The following IGFBP3 variants were observed in gnomAD, a reference collection of about 807,000 sequenced individuals.
The protein encoded by IGFBP3 is insulin-like growth factor-binding protein 3.
In IGFBP3, 9 loss-of-function variants were observed where a neutral mutation model predicts 28.6. The ratio of observed to expected loss-of-function variants is 0.31; its 90% confidence interval spans 0.19 to 0.55. The LOEUF (loss-of-function observed/expected upper bound fraction) is 0.55. Among genes scored for constraint, IGFBP3 ranks in the 20% least tolerant of loss-of-function variants. IGFBP3 has a pLI of 0.93. For missense variants in IGFBP3, 382 were observed against 428.9 expected (o/e 0.89, Z 0.97); for synonymous variants, 185 against 188.2 (o/e 0.98, Z 0.14).
chr7:45,915,347 A>G lies in IGFBP3; in HGVS notation c.751-402T>C, dbSNP rs1244267843. On this transcript the variant is annotated intron_variant, in intron 3 of 4. Coordinates refer to ENST00000613132, the MANE Select transcript of IGFBP3 (RefSeq NM_000598.5). ...CACCTTCTCAGTATGACTTTGTTGA[A>G]TGAATATGACTTTGACAGAAAACGT... The G allele has an allele frequency of 2.7e-5, 5 of 186,680 alleles. No homozygotes were observed. The Admixed American group carries it at 3.0e-4, about 11-fold the overall frequency. 11.6% of individuals were successfully genotyped at this position (186,680 alleles called of 1,614,324 possible).
intron 4 of IGFBP3, 143 bp downstream of exon 4, chr7:45,914,662 A>G (rs1426554045): frequency 2.8e-6 from 2 of 717,106 alleles, no homozygotes; most frequent in South Asian, 1.8e-5. Context: ...GCTCTGTCCT[A>G]TTTGCTTTGC....
chr7:45,918,623 G>A (rs978539456), intron 1 of IGFBP3, among the ~76,000 whole-genome samples: 1 of 152,184 alleles, frequency 6.6e-6, no homozygotes, highest in African/African-American at 2.4e-5. Flanking sequence ...AACAAACAGG[G>A]CTATAATGTG....
intron 4 of IGFBP3, chr7:45,914,192 A>G (rs1198967446): frequency 6.6e-6 from 1 of 152,218 alleles, no homozygotes; most frequent in Non-Finnish European, 1.5e-5. Flanking sequence ...ATTAAAAGAA[A>G]AAAGAAGACT....
chr7:45,920,809 C>T lies in IGFBP3; in HGVS notation c.332G>A (p.Arg111His). 1.4e-6 allele frequency: 2 copies of T among 1,408,588 alleles called. No individual in the cohort carries two copies. Among genetic ancestry groups the T allele is most frequent in the South Asian group, 1.5e-5 (1 of 66,356 alleles). The allele number at this position is 1,408,588 out of a possible 1,614,324, so 87.3% of individuals were successfully genotyped here. A position where few individuals can be genotyped will look rare whatever the true frequency, so the allele number is the denominator to read the frequency against. ...GGCACTAGCGTTGACGCAGAGCCCG[C>T]GGCCGTCCAGCAGCGCCTGCAGCGG... Reference protein sequence around the residue: ...ARPLQALLDGRGLCVNASAVS... With the variant: ...ARPLQALLDGHGLCVNASAVS... The change falls in exon 1 of 5, where the codon CGC becomes CAC. Residue 111 changes from arginine to histidine, a missense_variant. Coordinates refer to ENST00000613132, the MANE Select transcript of IGFBP3 (RefSeq NM_000598.5).
At position 45,916,595 on chromosome 7, in the gene IGFBP3, C is replaced by T. The variant is rs1422325132; in HGVS notation, c.703G>A (p.Val235Ile). ...KFLNVLSPRG[V>I]HIPNCDKKGF... The stretch of plus-strand genomic sequence containing the variant: ...TTCTTGTCACAGTTGGGAATGTGTA[C>T]ACCCCTGGGACTCAGCACATTGAGG... The change falls in exon 3 of 5, where the codon GTA (valine) becomes ATA (isoleucine). Residue 235 changes from valine (V) to isoleucine (I), a missense_variant. Val to Ile is a conservative substitution (Grantham distance 29). Coordinates refer to ENST00000613132, the MANE Select transcript of IGFBP3 (RefSeq NM_000598.5). The T allele has an allele frequency of 6.2e-7, 1 of 1,613,032 alleles. No individual in the cohort carries two copies. Among genetic ancestry groups the T allele is most frequent in the Non-Finnish European group, 8.5e-7 (1 of 1,179,078 alleles).
intron 1 of IGFBP3, among the ~76,000 whole-genome samples, chr7:45,917,939 C>T (rs766086738): frequency 3.3e-5 from 5 of 152,204 alleles, no homozygotes; most frequent in Non-Finnish European, 7.3e-5. Context: ...TTGTAACAAG[C>T]CCTTATGGGA....
Position 45,914,924 on chromosome 7 carries a change from T to C in IGFBP3, c.772A>G (p.Lys258Glu). 1 of 1,614,152 alleles carries C rather than the reference T, an allele frequency of 6.2e-7. No homozygotes were observed. Among genetic ancestry groups the C allele is most frequent in the Non-Finnish European group, 8.5e-7 (1 of 1,180,024 alleles). Residue 258 changes from lysine to glutamate, a missense_variant, in exon 4 of 5, where the codon AAG (lysine) becomes GAG (glutamate). Lys to Glu is a moderately conservative substitution (Grantham distance 56). Transcript: ENST00000613132. ...KKQCRPSKGR[K>E]RGFCWCVDKY... is the part of the protein sequence containing the mutation. ...TCCACACACCAGCAGAAGCCCCGCT[T>C]CCTGCCTTTGGAAGGGCGACACTGT...
chr7:45,916,756 C>A (rs1323171136), intron 2 of IGFBP3, 89 bp from the exon 3 acceptor site: 2 of 1,427,688 alleles, frequency 1.4e-6, no homozygotes, highest in African/African-American at 2.8e-5. Context: ...GCACAACTAC[C>A]AAAAGTGGGA....
intron 1 of IGFBP3, among the ~76,000 whole-genome samples, chr7:45,918,906 C>G (rs1240573980): frequency 6.6e-6 from 1 of 152,224 alleles, no homozygotes; most frequent in Non-Finnish European, 1.5e-5. Context: ...CAGAGCCTCA[C>G]AGAGGAGGTC....
chr7:45,915,004 G>A, intron 3 of IGFBP3, 59 bp from the exon 4 acceptor site: 2 of 1,598,714 alleles, frequency 1.3e-6, no homozygotes, highest in Non-Finnish European at 1.7e-6. Flanking sequence ...TGTCAGGTCG[G>A]TGGCCAGGGC....
At chr7:45,915,257 G>C in intron 3 of IGFBP3, 1 of 299,664 alleles carries the variant, frequency 3.3e-6, no homozygotes, top group Middle Eastern at 1.1e-3. Context: ...GTGGGACTGA[G>C]AACATCCCCG....
intron 1 of IGFBP3, chr7:45,919,925 C>CCG (rs1554290212): frequency 1.3e-5 from 2 of 151,104 alleles, no homozygotes; most frequent in Non-Finnish European, 2.9e-5. Flanking sequence ...CATTCCCCCC[C>CCG]CCATTTCAGA....
At chr7:45,914,558 A>G (rs1007540744) in intron 4 of IGFBP3, 3 of 356,164 alleles carry the variant, frequency 8.4e-6, no homozygotes, top group African/African-American at 4.2e-5. Flanking sequence ...TCTGAGATAA[A>G]GCAGAGTGTC....
At position 45,916,552 on chromosome 7, in the gene IGFBP3, T is replaced by C; in HGVS notation, c.746A>G (p.Lys249Arg). The C allele has an allele frequency of 6.2e-7, 1 of 1,610,610 alleles. No individual in the cohort carries two copies. Among genetic ancestry groups the C allele is most frequent in the East Asian group, 2.2e-5 (1 of 44,742 alleles). The change falls in exon 3 of 5, where the codon AAG becomes AGG. Residue 249 changes from lysine (K) to arginine (R), a missense_variant. Physicochemically the swap from Lys to Arg is conservative, Grantham distance 26. Transcript: ENST00000613132. ...CACACTGAGGACCTCACTCACCTGC[T>C]TTTTCTTATAAAATCCCTTCTTGTC... ...NCDKKGFYKK[K>R]QCRPSKGRKR...
Position 45,920,988 on chromosome 7 carries a change from G to T in IGFBP3, c.153C>A (p.Cys51Ter). The change falls in exon 1 of 5, where the codon TGC becomes TGA. Residue 51 changes from cysteine (C) to a stop codon, truncating the protein, a stop_gained. Transcript: ENST00000613132. LOFTEE classifies it high-confidence loss of function. ...EPCDARALAQ[C>*]APPPAVCAEL... ...CCGCGCACACGGCGGGCGGAGGCGCGCACTGGGCCAGTGCACGCGCGTCGC... is the reference window on the plus strand; with the variant it reads ...CCGCGCACACGGCGGGCGGAGGCGCTCACTGGGCCAGTGCACGCGCGTCGC... 7.4e-7 allele frequency: 1 copy of T among 1,348,158 alleles called. No individual in the cohort carries two copies. Among genetic ancestry groups the T allele is most frequent in the South Asian group, 1.9e-5 (1 of 53,608 alleles). The allele number at this position is 1,348,158 out of a possible 1,614,324, so 83.5% of individuals were successfully genotyped here.
intron 1 of IGFBP3, chr7:45,920,499 A>C: frequency 2.5e-6 from 1 of 394,222 alleles, no homozygotes; most frequent in Non-Finnish European, 4.5e-6. Flanking sequence ...TTTTCACTGA[A>C]AGCGCTTTGC....
Position 45,920,834 on chromosome 7 carries a change from G to A in IGFBP3, c.307C>T (p.Pro103Ser). The change falls in exon 1 of 5, where the codon CCG becomes TCG. Residue 103 changes from proline to serine, a missense_variant. Transcript: ENST00000613132. ...RCQPSPDEAR[P>S]LQALLDGRGL... ...CGGCCGTCCAGCAGCGCCTGCAGCG[G>A]TCGCGCCTCGTCGGGCGACGGCTGG... The A allele has an allele frequency of 7.1e-7, 1 of 1,409,108 alleles. No individual in the cohort carries two copies. The highest frequency in any genetic ancestry group is 9.2e-7 in the Non-Finnish European group (1 of 1,090,276). The allele number at this position is 1,409,108 out of a possible 1,614,324, so 87.3% of individuals were successfully genotyped here. A position where few individuals can be genotyped will look rare whatever the true frequency, so the allele number is the denominator to read the frequency against.
intron 1 of IGFBP3, among the ~76,000 whole-genome samples, chr7:45,917,859 C>T (rs1784635231): frequency 6.6e-6 from 1 of 152,176 alleles, no homozygotes; most frequent in Admixed American, 6.5e-5. Flanking sequence ...GGAGCAGCGG[C>T]AGCCCGGGGA....
rs1266505820 is a variant in IGFBP3 at position 45,912,371 on chromosome 7, TTTA to T, written c.*1476_*1478del. On this transcript the variant is annotated 3_prime_UTR_variant, in exon 5 of 5. Transcript: ENST00000613132. ...AAGATATTTTTTTAATGGTAAAAAC[TTTA>T]TTTACTATTTATAAATACATTGCAA... The T allele has an allele frequency of 6.6e-6, 1 of 152,064 alleles. No individual in the cohort carries two copies. Among genetic ancestry groups the T allele is most frequent in the East Asian group, 1.9e-4 (1 of 5,208 alleles). 9.4% of individuals were successfully genotyped at this position (152,064 alleles called of 1,614,324 possible). A position where few individuals can be genotyped will look rare whatever the true frequency, so the allele number is the denominator to read the frequency against.
Sources: allele counts gnomAD v4.1 joint callset (sites outside exome capture counted in the v4.1 genomes callset), GRCh38; gene constraint gnomAD v4.1.1; transcripts MANE v1.5; gene names NCBI Gene and HGNC (gene_info 2026-07-23, HGNC 2026-07-21).